Variants in TJP1 observed in about 807,000 individuals in gnomAD.
TJP1 encodes the protein tight junction protein ZO-1.
In TJP1, 43 loss-of-function variants were observed where a neutral mutation model predicts 194.2. That is an observed-to-expected ratio of 0.22 (90% confidence interval 0.17 to 0.29). The LOEUF is 0.29. Among genes scored for constraint, TJP1 ranks in the 10% least tolerant of loss-of-function variants. The pLI is 1.00. For missense variants in TJP1, 1,971 were observed against 2,185.7 expected (o/e 0.90, Z 1.96); for synonymous variants, 801 against 779.0 (o/e 1.03, Z -0.47).
chr15:29,825,160 T>A (rs2050639386), upstream of TJP1, among the ~76,000 whole-genome samples: 1 of 152,206 alleles, frequency 6.6e-6, no homozygotes, highest in Admixed American at 6.5e-5. Context: ...GTAGGTGCTT[T>A]GACAACAAGT....
At chr15:29,831,882 G>T (rs148591346) in intron 2 of TJP1, among the ~76,000 whole-genome samples, 36 of 152,296 alleles carry the variant, frequency 2.4e-4, no homozygotes, top group African/African-American at 8.4e-4. Flanking sequence ...TTCAAAATTG[G>T]TGAATCAGGC....
Position 29,748,980 on chromosome 15 carries a change from T to C in TJP1, c.1011-6199A>G, listed in dbSNP as rs372095900. On this transcript the variant is annotated intron_variant, in intron 8 of 27. Coordinates refer to ENST00000614355, the MANE Select transcript of TJP1 (RefSeq NM_001330239.4). ...CGCGTGTGTGCGCGCGCGCGTTTGC[T>C]ATTATGAGGAAAGCTTTCTATAAAA... 2.3e-3 allele frequency among the ~76,000 whole-genome samples: 352 copies of C among 150,456 alleles called. 3 individuals are homozygous for C. The highest frequency in any genetic ancestry group is 8.0e-3 in the African/African-American group (328 of 40,826).
Position 29,718,728 on chromosome 15 carries a change from CAG to C in TJP1, c.3412_3413del (p.Leu1138ValfsTer13), listed in dbSNP as rs1566886700. 6.2e-7 allele frequency: 1 copy of C among 1,614,102 alleles called. No individual in the cohort carries two copies. Among genetic ancestry groups the C allele is most frequent in the Non-Finnish European group, 8.5e-7 (1 of 1,180,028 alleles). ...YFPRFEEPAPLSYDSRPRYEQ... is the reference protein window; with the variant it reads ...YFPRFEEPAPXSYDSRPRYEQ... ...CGTAACGTGGTCTGCTGTCGTAAGA[CAG>C]AGGGGCTGGCTCTTCAAAACGTGGA... On this transcript the variant is annotated frameshift_variant, in exon 21 of 28. Coordinates refer to ENST00000614355, the MANE Select transcript of TJP1 (RefSeq NM_001330239.4). LOFTEE classifies it high-confidence loss of function.
intron 26 of TJP1, among the ~76,000 whole-genome samples, chr15:29,705,183 T>C (rs2150990331): frequency 6.6e-6 from 1 of 152,304 alleles, no homozygotes; most frequent in Non-Finnish European, 1.5e-5. Context: ...CCTTTCTGAG[T>C]GGGTGTTACC....
intron 15 of TJP1, chr15:29,729,102 A>G (rs2043427814): frequency 6.6e-6 from 1 of 152,212 alleles, no homozygotes; most frequent in African/African-American, 2.4e-5. Flanking sequence ...GGTTATGGGT[A>G]AGGGTTACCA....
rs769619756 is a variant in TJP1 at position 29,734,279 on chromosome 15, T to A, written c.1511A>T (p.Lys504Met). The change falls in exon 12 of 28, where the codon AAG (lysine) becomes ATG (methionine). Residue 504 changes from lysine to methionine, a missense_variant. Around this residue, in one of 5 missense-constraint regions of TJP1, gnomAD observed 402 missense variants for 484.2 expected, o/e 0.83. Coordinates refer to ENST00000614355, the MANE Select transcript of TJP1 (RefSeq NM_001330239.4). ...ATTTTCTGACAGCATCTCACCATCCTTCTTCTTCTGAGCCAATATGGTCAC... is the reference window on the plus strand; with the variant it reads ...ATTTTCTGACAGCATCTCACCATCCATCTTCTTCTGAGCCAATATGGTCAC... Reference protein sequence around the residue: ...EEVTILAQKKKDVYRRIVESD... With the variant: ...EEVTILAQKKMDVYRRIVESD... 1 of 1,604,374 alleles carries A rather than the reference T, an allele frequency of 6.2e-7. No homozygotes were observed. Among genetic ancestry groups the A allele is most frequent in the Admixed American group, 1.7e-5 (1 of 58,434 alleles).
rs187316377 is a variant in TJP1, at chr15:29,813,755, G to A, written c.27+8247C>T. Among the ~76,000 whole-genome samples the A allele has an allele frequency of 3.3e-5, 5 of 152,260 alleles. No individual in the cohort carries two copies. The East Asian group carries it at 9.6e-4, about 29-fold the overall frequency. On this transcript the variant is annotated intron_variant, in intron 1 of 27. Transcript: ENST00000614355. ...TAGGGATTCTAGCACTTATCATTATGGACAGAATTTTATTTGCTGCTCTCT... is the reference window on the plus strand; with the variant it reads ...TAGGGATTCTAGCACTTATCATTATAGACAGAATTTTATTTGCTGCTCTCT...
At chr15:29,814,619 G>A (rs2049774807) in intron 1 of TJP1, among the ~76,000 whole-genome samples, 1 of 151,990 alleles carries the variant, frequency 6.6e-6, no homozygotes, top group Non-Finnish European at 1.5e-5. Context: ...TCAGTCTTTG[G>A]GAATTTACAT....
At chr15:29,768,930 A>T (rs562566319) in intron 4 of TJP1, among the ~76,000 whole-genome samples, 1 of 152,368 alleles carries the variant, frequency 6.6e-6, no homozygotes, top group East Asian at 1.9e-4. Context: ...AGAAAAAAAT[A>T]CAACAGAGAG....
chr15:29,829,562 G>A (rs1170254719), intron 2 of TJP1, among the ~76,000 whole-genome samples: 1 of 149,906 alleles, frequency 6.7e-6, no homozygotes, highest in Non-Finnish European at 1.5e-5. Context: ...GAGAGTAGAA[G>A]AAATTTACAG....
intron 15 of TJP1, chr15:29,730,596 G>GA (rs767411082): frequency 0.093 from 34,028 of 365,390 alleles, no homozygotes; most frequent in South Asian, 0.13. Context: ...CTCTGTCTCT[G>GA]AAAAAAAAAA....
intron 2 of TJP1, among the ~76,000 whole-genome samples, chr15:29,776,934 T>C (rs2047052088): frequency 6.6e-6 from 1 of 152,180 alleles, no homozygotes; most frequent in African/African-American, 2.4e-5. Flanking sequence ...CTCATTCATT[T>C]TGGAGAAATA....
At chr15:29,822,512 G>C (rs997207883), upstream of TJP1, 1 of 984,850 alleles carries the variant, frequency 1.0e-6, no homozygotes, top group Non-Finnish European at 1.2e-6. Flanking sequence ...CGGCCCGGCG[G>C]GGGCGGGGCT....
At chr15:29,772,243 G>C in intron 3 of TJP1, 77 bp from the exon 4 acceptor site, 1 of 821,032 alleles carries the variant, frequency 1.2e-6, no homozygotes, top group Non-Finnish European at 1.9e-6. Context: ...TCCAAGATAG[G>C]TACTTCTAAA....
chr15:29,761,070 A>T, intron 8 of TJP1, 69 bp downstream of exon 8: 1 of 1,434,378 alleles, frequency 7.0e-7, no homozygotes, highest in Non-Finnish European at 9.3e-7. Context: ...TTTTATTTGT[A>T]AGCAATTTCA....
chr15:29,707,134 G>A (rs141837861), intron 25 of TJP1, among the ~76,000 whole-genome samples: 10 of 152,212 alleles, frequency 6.6e-5, no homozygotes, highest in African/African-American at 1.7e-4. Context: ...TCCATGAGGC[G>A]AAGACCCTTG....
intron 1 of TJP1, among the ~76,000 whole-genome samples, chr15:29,805,657 G>C (rs2049064550): frequency 8.2e-6 from 1 of 122,238 alleles, no homozygotes; most frequent in African/African-American, 2.8e-5. Context: ...TGGTATTTAG[G>C]TTGGTGCAAA....
At chr15:29,746,650 T>A (rs950395288) in intron 8 of TJP1, among the ~76,000 whole-genome samples, 1 of 151,956 alleles carries the variant, frequency 6.6e-6, no homozygotes, top group African/African-American at 2.4e-5. Flanking sequence ...ATTTACTTAT[T>A]ATAATAAAGA....
chr15:29,954,176 A>T (rs923807097), intron 2 of TJP1, among the ~76,000 whole-genome samples: 6 of 152,190 alleles, frequency 3.9e-5, no homozygotes, highest in African/African-American at 1.2e-4. Flanking sequence ...AATGAGGGAG[A>T]AAATAAACTC....
Sources: gnomAD v4.1 joint callset for allele counts (sites outside exome capture counted in the v4.1 genomes callset) on GRCh38, gnomAD v4.1.1 for gene constraint, gnomAD v4.1.1 regional missense constraint, MANE v1.5 for transcripts, NCBI Gene and HGNC (gene_info 2026-07-23, HGNC 2026-07-21) for gene names.